The following DCAF10 variants were observed in gnomAD, a reference collection of about 807,000 sequenced individuals.
DCAF10 encodes DDB1- and CUL4-associated factor 10.
DCAF10 carries 19 observed loss-of-function variants against 51.9 expected under a neutral mutation model. That is an observed-to-expected ratio of 0.37 (90% CI 0.26 to 0.54). DCAF10 has a LOEUF of 0.54. Among genes scored for constraint, DCAF10 ranks in the 20% least tolerant of loss-of-function variants. DCAF10 has a pLI of 0.87. For missense variants in DCAF10, 510 were observed against 730.6 expected (o/e 0.70, Z 3.48); for synonymous variants, 291 against 297.1 (o/e 0.98, Z 0.21).
At chr9:37,819,958 C>CATA (rs1829654125) in intron 2 of DCAF10, among the ~76,000 whole-genome samples, 1 of 151,950 alleles carries the variant, frequency 6.6e-6, no homozygotes, top group East Asian at 1.9e-4. Context: ...AAATGCTTCG[C>CATA]ATAATACAGG....
chr9:37,859,596 T>C (rs1399495687), intron 5 of DCAF10, among the ~76,000 whole-genome samples: 1 of 152,190 alleles, frequency 6.6e-6, no homozygotes, highest in Non-Finnish European at 1.5e-5. Flanking sequence ...TTTATTTGCT[T>C]AAAAGGCAAT....
At chr9:37,847,107 G>T (rs957793477) in intron 3 of DCAF10, among the ~76,000 whole-genome samples, 2 of 151,876 alleles carry the variant, frequency 1.3e-5, no homozygotes, top group African/African-American at 4.8e-5. Context: ...TACAAAATTA[G>T]CTGGGTGTGG....
Position 37,861,004 on chromosome 9 carries a change from G to T in DCAF10, c.1312-136G>T. On this transcript the variant is annotated intron_variant, in intron 6 of 6. Transcript: ENST00000377724. This position sits in a 1 kb window ranked among gnomAD's most constrained non-coding sequence, Gnocchi z 4.9. ...CTACAAGTTTTGTTAGTTGGGAGGG[G>T]GATAGCATTATTCTGAGTGATTTCT... 1 of 1,228,496 alleles carries T rather than the reference G, an allele frequency of 8.1e-7. No individual in the cohort carries two copies. The highest frequency in any genetic ancestry group is 3.0e-4 in the Middle Eastern group (1 of 3,380). The allele number at this position is 1,228,496 out of a possible 1,614,324, so 76.1% of individuals were successfully genotyped here. A position where few individuals can be genotyped will look rare whatever the true frequency, so the allele number is the denominator to read the frequency against.
intron 1 of DCAF10, among the ~76,000 whole-genome samples, chr9:37,818,961 T>G (rs1829626931): frequency 6.6e-6 from 1 of 152,226 alleles, no homozygotes; most frequent in Admixed American, 6.5e-5. Context: ...ATATGTCTCT[T>G]TGTATTTGTA....
intron 3 of DCAF10, among the ~76,000 whole-genome samples, chr9:37,848,462 A>G (rs1200614596): frequency 1.3e-5 from 2 of 152,224 alleles, no homozygotes; most frequent in South Asian, 2.1e-4. Context: ...AAAAAAGCCA[A>G]CTTGCAAAAG....
intron 2 of DCAF10, among the ~76,000 whole-genome samples, chr9:37,840,261 TA>T (rs57765001): frequency 1.3e-5 from 2 of 151,602 alleles, no homozygotes; most frequent in South Asian, 2.1e-4. Flanking sequence ...TACTCCTACT[TA>T]AAAAAAAATT....
At chr9:37,855,697 T>C (rs1392839474) in intron 4 of DCAF10, among the ~76,000 whole-genome samples, 1 of 152,128 alleles carries the variant, frequency 6.6e-6, no homozygotes, top group East Asian at 1.9e-4. Flanking sequence ...TGCTAATAAA[T>C]TGCTATTAAA....
chr9:37,847,959 A>C (rs1484257640), intron 3 of DCAF10, among the ~76,000 whole-genome samples: 1 of 152,218 alleles, frequency 6.6e-6, no homozygotes, highest in Non-Finnish European at 1.5e-5. Context: ...TTGTACACTG[A>C]AATCTATAAA....
Position 37,849,610 on chromosome 9 carries a change from C to G in DCAF10, c.852-5170C>G, listed in dbSNP as rs184143329. ...AAAAATTTTAAAACATGGCCAGGCACGGTGGCTCATACCTGTAATCCCAGC... is the reference window on the plus strand; with the variant it reads ...AAAAATTTTAAAACATGGCCAGGCAGGGTGGCTCATACCTGTAATCCCAGC... On this transcript the variant is annotated intron_variant, in intron 3 of 6. Coordinates refer to ENST00000377724, the MANE Select transcript of DCAF10 (RefSeq NM_024345.5). 3.5e-3 allele frequency among the ~76,000 whole-genome samples: 532 copies of G among 152,042 alleles called. 4 individuals are homozygous for G. The highest frequency in any genetic ancestry group is 0.012 in the African/African-American group (510 of 41,486).
In DCAF10 at chr9:37,857,328, T is replaced by G; in HGVS notation, c.1142T>G (p.Met381Arg). Residue 381 changes from methionine to arginine, a missense_variant, in exon 5 of 7, where the codon ATG becomes AGG. Physicochemically the swap from Met to Arg is moderately conservative, Grantham distance 91. Around this residue, in one of 4 missense-constraint regions of DCAF10, gnomAD observed 29 missense variants for 24.9 expected, o/e 1.16. Coordinates refer to ENST00000377724, the MANE Select transcript of DCAF10 (RefSeq NM_024345.5). The part of the protein sequence containing the change: ...HSDSNSSEKH[M>R]SRASQREGVS... Reference sequence around the variant, plus strand: ...GATTCTAATTCTTCTGAGAAACACATGTCACGAGCCTCTCAAAGAGAAGGT... The same window carrying G: ...GATTCTAATTCTTCTGAGAAACACAGGTCACGAGCCTCTCAAAGAGAAGGT... The G allele has an allele frequency of 6.2e-7, 1 of 1,609,760 alleles. No homozygotes were observed. The highest frequency in any genetic ancestry group is 1.7e-4 in the Middle Eastern group (1 of 6,052).
chr9:37,861,683 C>T lies in DCAF10; in HGVS notation c.*175C>T. 2 of 820,870 alleles carry T rather than the reference C, an allele frequency of 2.4e-6. No homozygotes were observed. Among genetic ancestry groups the T allele is most frequent in the South Asian group, 2.0e-5 (1 of 51,138 alleles). 50.8% of individuals were successfully genotyped at this position (820,870 alleles called of 1,614,324 possible). On this transcript the variant is annotated 3_prime_UTR_variant, in exon 7 of 7. Coordinates refer to ENST00000377724, the MANE Select transcript of DCAF10 (RefSeq NM_024345.5). The surrounding 1 kb of genome is among the most constrained non-coding windows in gnomAD (Gnocchi z 4.9). The stretch of plus-strand genomic sequence containing the variant: ...ACTTGGTCATCCAGCATCATACAGG[C>T]ATCTCCAAGTTAGACTCTATGCAGC...
chr9:37,801,519 G>T lies in DCAF10; in HGVS notation c.539+114G>T, dbSNP rs1828944921. The T allele has an allele frequency of 8.0e-7, 1 of 1,251,194 alleles. No individual in the cohort carries two copies. The highest frequency in any genetic ancestry group is 2.2e-5 in the South Asian group (1 of 45,912). The allele number at this position is 1,251,194 out of a possible 1,614,324, so 77.5% of individuals were successfully genotyped here. A position where few individuals can be genotyped will look rare whatever the true frequency, so the allele number is the denominator to read the frequency against. On this transcript the variant is annotated intron_variant, in intron 1 of 6. Coordinates refer to ENST00000377724, the MANE Select transcript of DCAF10 (RefSeq NM_024345.5). The surrounding 1 kb of genome is among the most constrained non-coding windows in gnomAD (Gnocchi z 5.5). Reference sequence around the variant, plus strand: ...GGGCCGAGGTTAGCGAGGCCGTTTGGGGCCGCTGGCCTTCGTGCCTCCTGG... The same window carrying T: ...GGGCCGAGGTTAGCGAGGCCGTTTGTGGCCGCTGGCCTTCGTGCCTCCTGG...
chr9:37,831,515 C>T (rs1195182738), intron 2 of DCAF10, among the ~76,000 whole-genome samples: 1 of 152,176 alleles, frequency 6.6e-6, no homozygotes, highest in Non-Finnish European at 1.5e-5. Context: ...CCTCACTGTA[C>T]TGTTCAGAGA....
intron 6 of DCAF10, among the ~76,000 whole-genome samples, chr9:37,860,755 C>T (rs1338869071): frequency 6.6e-6 from 1 of 152,104 alleles, no homozygotes; most frequent in Non-Finnish European, 1.5e-5. Context: ...GAGGCCACAA[C>T]TGAAAGGAGA....
chr9:37,848,194 A>G (rs1830531353), intron 3 of DCAF10, among the ~76,000 whole-genome samples: 1 of 152,248 alleles, frequency 6.6e-6, no homozygotes, highest in Non-Finnish European at 1.5e-5. Flanking sequence ...TGGAGTTACC[A>G]TATGATCCAC....
chr9:37,847,730 G>T (rs1589108372), intron 3 of DCAF10, among the ~76,000 whole-genome samples: 1 of 152,112 alleles, frequency 6.6e-6, no homozygotes, highest in African/African-American at 2.4e-5. Context: ...TCATATGCAG[G>T]AAATATGTTT....
chr9:37,809,448 T>C (rs1829262048), intron 1 of DCAF10, among the ~76,000 whole-genome samples: 1 of 148,684 alleles, frequency 6.7e-6, no homozygotes, highest in South Asian at 2.1e-4. Context: ...TCAGAAATAC[T>C]GAATAGGGAC....
chr9:37,821,108 C>T (rs377284170), intron 2 of DCAF10, among the ~76,000 whole-genome samples: 3 of 141,854 alleles, frequency 2.1e-5, no homozygotes, highest in African/African-American at 8.1e-5. Flanking sequence ...TATATATACA[C>T]ACACACACAC....
chr9:37,809,077 G>A (rs1245898552), intron 1 of DCAF10, among the ~76,000 whole-genome samples: 2 of 144,756 alleles, frequency 1.4e-5, no homozygotes, highest in Non-Finnish European at 3.0e-5. Flanking sequence ...GTGACAGAAT[G>A]AGACTCTGTC....
Sources: allele counts gnomAD v4.1 joint callset (sites outside exome capture counted in the v4.1 genomes callset), GRCh38; gene constraint gnomAD v4.1.1; regional missense constraint gnomAD v4.1.1; non-coding constraint Gnocchi (gnomAD v3.1); transcripts MANE v1.5; gene names NCBI Gene and HGNC (gene_info 2026-07-23, HGNC 2026-07-21).